Variants in KIF5C observed in about 807,000 individuals in gnomAD.
KIF5C encodes the protein kinesin family member 5C.
In KIF5C, 18 loss-of-function variants were observed where a neutral mutation model predicts 125.2. The observed-to-expected ratio is 0.14, with a 90% CI of 0.10 to 0.21. KIF5C has a LOEUF of 0.21. KIF5C is among the 10% of genes least tolerant of loss of function. The pLI is 1.00. For synonymous variants in KIF5C, 405 were observed against 434.0 expected, an observed-to-expected ratio of 0.93 and a Z score of 0.83; for missense variants, 780 against 1,183.8, an observed-to-expected ratio of 0.66 and a Z score of 5.01.
intron 25 of KIF5C, among the ~76,000 whole-genome samples, chr2:149,013,561 G>T (rs564444204): frequency 1.3e-5 from 2 of 152,350 alleles, no homozygotes; most frequent in East Asian, 3.9e-4. Context: ...GAGGTGGGCA[G>T]CTGGCATACT....
chr2:148,885,308 T>G (rs1681485326), intron 1 of KIF5C, among the ~76,000 whole-genome samples: 1 of 152,178 alleles, frequency 6.6e-6, no homozygotes, highest in African/African-American at 2.4e-5. Flanking sequence ...AATTATCCTT[T>G]GTAATCCACC....
At chr2:148,964,790 G>A (rs993391618) in intron 11 of KIF5C, among the ~76,000 whole-genome samples, 10 of 152,146 alleles carry the variant, frequency 6.6e-5, no homozygotes, top group African/African-American at 1.7e-4. Context: ...AGGGATAGGC[G>A]GGGCTCTCCT....
At chr2:149,013,809 G>C (rs1682281585) in intron 25 of KIF5C, among the ~76,000 whole-genome samples, 1 of 152,140 alleles carries the variant, frequency 6.6e-6, no homozygotes, top group African/African-American at 2.4e-5. Flanking sequence ...ACAACCAAAT[G>C]CTGGCCATTC....
intron 1 of KIF5C, among the ~76,000 whole-genome samples, chr2:148,901,441 G>A (rs1680897998): frequency 6.6e-6 from 1 of 152,028 alleles, no homozygotes; most frequent in South Asian, 2.1e-4. Context: ...TAGAGGGCAG[G>A]GATGTGAGGG....
At chr2:148,933,786 A>G (rs1357123091) in intron 3 of KIF5C, among the ~76,000 whole-genome samples, 2 of 147,970 alleles carry the variant, frequency 1.4e-5, no homozygotes, top group East Asian at 4.1e-4. Context: ...CATATACCAC[A>G]TACCCCCCAT....
chr2:148,980,439 GATA>G (rs1681198921), intron 13 of KIF5C, among the ~76,000 whole-genome samples: 1 of 152,120 alleles, frequency 6.6e-6, no homozygotes, highest in Admixed American at 6.6e-5. Context: ...TAGGAACAAA[GATA>G]ATGAGAGCGT....
intron 10 of KIF5C, among the ~76,000 whole-genome samples, chr2:148,956,009 C>T (rs1682782816): frequency 6.6e-6 from 1 of 152,178 alleles, no homozygotes; most frequent in South Asian, 2.1e-4. Flanking sequence ...GGTAGGCACT[C>T]CTCGTGTCAT....
chr2:148,884,567 C>T (rs1006917620), intron 1 of KIF5C, among the ~76,000 whole-genome samples: 2 of 152,196 alleles, frequency 1.3e-5, no homozygotes, highest in Admixed American at 1.3e-4. Context: ...TGTATACTCT[C>T]CTAACCTTTC....
Position 148,929,353 on chromosome 2 carries a change from A to G in KIF5C, c.290A>G (p.Glu97Gly). Residue 97 changes from glutamate to glycine, a missense_variant and splice_region_variant, in exon 3 of 26, where the codon GAG becomes GGG. Glu to Gly is a moderately conservative substitution (Grantham distance 98). Coordinates refer to ENST00000435030, the MANE Select transcript of KIF5C (RefSeq NM_004522.3). ...QTSSGKTHTM[E>G]GKLHDPQLMG... ...TCATCAGGAAAAACCCACACCATGG[A>G]GGTAAGATTACAATGTGCTCTAATG... is the stretch of plus-strand genomic sequence containing the variant. The G allele has an allele frequency of 6.5e-7, 1 of 1,528,362 alleles. No homozygotes were observed. Among genetic ancestry groups the G allele is most frequent in the South Asian group, 1.2e-5 (1 of 83,862 alleles). The allele number at this position is 1,528,362 out of a possible 1,614,324, so 94.7% of individuals were successfully genotyped here. A position where few individuals can be genotyped will look rare whatever the true frequency, so the allele number is the denominator to read the frequency against.
chr2:148,905,894 T>C (rs994334554), intron 1 of KIF5C, among the ~76,000 whole-genome samples: 1 of 152,100 alleles, frequency 6.6e-6, no homozygotes, highest in South Asian at 2.1e-4. Context: ...AAAAGAGAGC[T>C]TGTGCAGGGA....
chr2:148,929,273 G>A lies in KIF5C; in HGVS notation c.218-8G>A, dbSNP rs1217839392. On this transcript the variant is annotated splice_region_variant and splice_polypyrimidine_tract_variant and intron_variant, in intron 2 of 25. Transcript: ENST00000435030. ...GAGTTAATTTTAATTTCTTTTTCTT[G>A]TTCACAGATGTCCTTGAAGGTTATA... The A allele has an allele frequency of 3.3e-6, 5 of 1,523,158 alleles. No homozygotes were observed. Among genetic ancestry groups the A allele is most frequent in the Non-Finnish European group, 4.4e-6 (5 of 1,134,876 alleles). The allele number at this position is 1,523,158 out of a possible 1,614,324, so 94.4% of individuals were successfully genotyped here.
chr2:148,947,858 A>G (rs1574776692), intron 8 of KIF5C: 1 of 456,552 alleles, frequency 2.2e-6, no homozygotes, highest in South Asian at 1.5e-5. Flanking sequence ...CATGAAGGCC[A>G]GCCTTGAAGC....
chr2:149,001,646 T>A (rs1284215015), intron 21 of KIF5C, among the ~76,000 whole-genome samples: 2 of 152,224 alleles, frequency 1.3e-5, no homozygotes, highest in Non-Finnish European at 2.9e-5. Flanking sequence ...CTGGTCGGCT[T>A]CCATTTCAGC....
At chr2:148,892,338 T>G (rs1332965336) in intron 1 of KIF5C, among the ~76,000 whole-genome samples, 1 of 152,202 alleles carries the variant, frequency 6.6e-6, no homozygotes, top group South Asian at 2.1e-4. Flanking sequence ...TCTCTGCCTC[T>G]TGGAGGCTGC....
At chr2:148,928,395 G>T (rs1682086260) in intron 2 of KIF5C, among the ~76,000 whole-genome samples, 1 of 152,144 alleles carries the variant, frequency 6.6e-6, no homozygotes, top group African/African-American at 2.4e-5. Context: ...ATGATGCATT[G>T]TTCCTCTTCC....
chr2:148,944,162 C>A (rs1352945476), intron 7 of KIF5C, among the ~76,000 whole-genome samples: 1 of 152,064 alleles, frequency 6.6e-6, no homozygotes, highest in Non-Finnish European at 1.5e-5. Flanking sequence ...TTTATTATTG[C>A]AATAAAATAT....
intron 3 of KIF5C, 30 bp downstream of exon 3, chr2:148,929,384 C>T (rs369470801): frequency 5.7e-6 from 8 of 1,398,482 alleles, no homozygotes; most frequent in Non-Finnish European, 5.9e-6. Context: ...TAATGCGAAT[C>T]TCTGAGATGA....
At chr2:148,942,532 G>A in intron 6 of KIF5C, 141 bp from the exon 7 acceptor site, 1 of 1,397,610 alleles carries the variant, frequency 7.2e-7, no homozygotes. Flanking sequence ...CCTGGGCAAG[G>A]AGGAAAAGTT....
chr2:148,984,873 C>A (rs1380355616), intron 15 of KIF5C, among the ~76,000 whole-genome samples: 1 of 152,198 alleles, frequency 6.6e-6, no homozygotes. Flanking sequence ...TCACTGCAAC[C>A]TCTGCCTCCT....
Sources: allele counts gnomAD v4.1 joint callset (sites outside exome capture counted in the v4.1 genomes callset), GRCh38; gene constraint gnomAD v4.1.1; transcripts MANE v1.5; gene names NCBI Gene and HGNC (gene_info 2026-07-23, HGNC 2026-07-21).